The following LRRTM4 variants were observed in gnomAD, a reference collection of about 807,000 sequenced individuals.
LRRTM4 encodes leucine-rich repeat transmembrane neuronal protein 4.
A neutral mutation model predicts 47.6 loss-of-function variants in LRRTM4; 25 were observed. The ratio of observed to expected loss-of-function variants is 0.53; its 90% CI spans 0.38 to 0.73. The LOEUF (loss-of-function observed/expected upper bound fraction) is 0.73. LRRTM4 is among the 30% of genes least tolerant of loss of function. The probability of loss-of-function intolerance (pLI) is 0.00; values close to 1 mark genes in which losing one functional copy is unlikely to be tolerated. For missense variants in LRRTM4, 638 were observed against 713.4 expected, an observed-to-expected ratio of 0.89 and a Z score of 1.20; for synonymous variants, 311 against 269.5, an observed-to-expected ratio of 1.15 and a Z score of -1.51.
intron 3 of LRRTM4, among the ~76,000 whole-genome samples, chr2:76,815,583 G>A (rs950336056): frequency 6.6e-6 from 1 of 152,020 alleles, no homozygotes; most frequent in Admixed American, 6.6e-5. Flanking sequence ...AGTCATAGTT[G>A]TAGTAATAAT....
At chr2:76,814,201 T>A (rs1389136852) in intron 3 of LRRTM4, among the ~76,000 whole-genome samples, 1 of 152,138 alleles carries the variant, frequency 6.6e-6, no homozygotes, top group Admixed American at 6.5e-5. Flanking sequence ...TCAATTTGTT[T>A]ATTTTAAATT....
At chr2:77,099,926 G>GGT (rs1670908925) in intron 3 of LRRTM4, among the ~76,000 whole-genome samples, 1 of 151,974 alleles carries the variant, frequency 6.6e-6, no homozygotes, top group Non-Finnish European at 1.5e-5. Flanking sequence ...TGAAAGTGCA[G>GGT]GTGTATAACT....
rs1670553807 is a variant in LRRTM4, at chr2:76,807,471, C to CATATATATATATACAT, written c.1552-58556_1552-58555insATGTATATATATATAT. Among the ~76,000 whole-genome samples, 7 of 97,452 alleles carry CATATATATATATACAT rather than the reference C, an allele frequency of 7.2e-5. 1 individual carries two copies. The highest frequency in any genetic ancestry group is 2.0e-4 in the Admixed American group (2 of 9,826). 63.9% of individuals were successfully genotyped at this position (97,452 alleles called of 152,430 possible). On this transcript the variant is annotated intron_variant, in intron 3 of 3. Transcript: ENST00000409884. ...ATATATATATATACATATATATATA[C>CATATATATATATACAT]ATATATATATATATACATATATATA... is the stretch of plus-strand genomic sequence containing the variant.
chr2:77,465,123 T>C (rs546414726), intron 3 of LRRTM4, among the ~76,000 whole-genome samples: 1 of 152,248 alleles, frequency 6.6e-6, no homozygotes, highest in African/African-American at 2.4e-5. Context: ...AATATAGTTT[T>C]TTTAAATGGT....
At chr2:77,214,570 G>A (rs1674384702) in intron 3 of LRRTM4, among the ~76,000 whole-genome samples, 1 of 152,054 alleles carries the variant, frequency 6.6e-6, no homozygotes, top group Non-Finnish European at 1.5e-5. Flanking sequence ...ATAAAAAAGA[G>A]CTATGAAAAG....
intron 3 of LRRTM4, among the ~76,000 whole-genome samples, chr2:76,971,099 T>G (rs1481723322): frequency 6.6e-6 from 1 of 151,990 alleles, no homozygotes; most frequent in African/African-American, 2.4e-5. Flanking sequence ...CAATACTGGC[T>G]GTGCTAGGGC....
intron 3 of LRRTM4, among the ~76,000 whole-genome samples, chr2:76,863,623 TTATC>T (rs757622180): frequency 6.6e-6 from 1 of 152,220 alleles, no homozygotes; most frequent in Non-Finnish European, 1.5e-5. Context: ...TCATATTTAT[TTATC>T]TTTTATTCTC....
chr2:77,133,744 G>C (rs1342432614), intron 3 of LRRTM4, among the ~76,000 whole-genome samples: 2 of 152,074 alleles, frequency 1.3e-5, no homozygotes, highest in African/African-American at 4.8e-5. Flanking sequence ...CACAAAAATA[G>C]CTGCCTCCTC....
chr2:76,940,718 G>A (rs1478401817), intron 3 of LRRTM4, among the ~76,000 whole-genome samples: 5 of 152,142 alleles, frequency 3.3e-5, no homozygotes, highest in Non-Finnish European at 5.9e-5. Context: ...TACGTACTAT[G>A]TACGTCAGAA....
In LRRTM4 at chr2:77,187,148, A is replaced by C. The variant is rs1448911416; in HGVS notation, c.1551+331170T>G. 5.9e-5 allele frequency among the ~76,000 whole-genome samples: 9 copies of C among 152,116 alleles called. No individual in the cohort carries two copies. The East Asian group carries it at 1.5e-3, about 26-fold the overall frequency. On this transcript the variant is annotated intron_variant, in intron 3 of 3. Coordinates refer to ENST00000409884, the MANE Select transcript of LRRTM4 (RefSeq NM_001134745.3). ...CATATTCAGAAATGGGAGGAAAGGA[A>C]GTCTGTAGCCAATGTCTGGATGTTT...
At chr2:77,007,787 A>G (rs1677712706) in intron 3 of LRRTM4, among the ~76,000 whole-genome samples, 1 of 152,196 alleles carries the variant, frequency 6.6e-6, no homozygotes, top group African/African-American at 2.4e-5. Context: ...AGTTCTGTGA[A>G]TAGAAAATTG....
chr2:76,826,791 C>A (rs1447475096), intron 3 of LRRTM4, among the ~76,000 whole-genome samples: 1 of 151,802 alleles, frequency 6.6e-6, no homozygotes, highest in Non-Finnish European at 1.5e-5. Flanking sequence ...ATTAACCATC[C>A]TCTCAAAATA....
At chr2:76,943,595 C>A (rs1490337527) in intron 3 of LRRTM4, among the ~76,000 whole-genome samples, 1 of 152,154 alleles carries the variant, frequency 6.6e-6, no homozygotes, top group Non-Finnish European at 1.5e-5. Context: ...TTCCTCTCTC[C>A]ATGACAATTT....
chr2:77,124,466 C>A (rs1671604480), intron 3 of LRRTM4, among the ~76,000 whole-genome samples: 1 of 152,086 alleles, frequency 6.6e-6, no homozygotes, highest in South Asian at 2.1e-4. Context: ...TGGCACAGAG[C>A]AGCACGAGTT....
At chr2:77,410,718 G>A (rs1674385715) in intron 3 of LRRTM4, among the ~76,000 whole-genome samples, 1 of 152,102 alleles carries the variant, frequency 6.6e-6, no homozygotes, top group Non-Finnish European at 1.5e-5. Context: ...ATTATAACCA[G>A]GGATGTATAT....
chr2:77,458,653 T>G (rs1676660410), intron 3 of LRRTM4, among the ~76,000 whole-genome samples: 1 of 151,934 alleles, frequency 6.6e-6, no homozygotes, highest in Non-Finnish European at 1.5e-5. Flanking sequence ...TTGCCACACC[T>G]TGTATCTAGG....
chr2:77,098,691 AT>A (rs1384292193), intron 3 of LRRTM4, among the ~76,000 whole-genome samples: 8 of 139,274 alleles, frequency 5.7e-5, no homozygotes, highest in Non-Finnish European at 9.1e-5. Context: ...TAATTCTACA[AT>A]AAAATGACTA....
intron 3 of LRRTM4, among the ~76,000 whole-genome samples, chr2:77,230,839 T>A (rs185594209): frequency 1.5e-3 from 234 of 152,194 alleles, no homozygotes; most frequent in Non-Finnish European, 2.6e-3. Flanking sequence ...TAGTTATCAC[T>A]TTAACAATAA....
chr2:76,774,480 G>A (rs555464958), intron 3 of LRRTM4, among the ~76,000 whole-genome samples: 93 of 152,148 alleles, frequency 6.1e-4, no homozygotes, highest in African/African-American at 2.0e-3. Context: ...ATGAGCCACC[G>A]TGCCCAGCCA....
Sources: allele counts gnomAD v4.1 joint callset (sites outside exome capture counted in the v4.1 genomes callset), GRCh38; gene constraint gnomAD v4.1.1; transcripts MANE v1.5; gene names NCBI Gene and HGNC (gene_info 2026-07-23, HGNC 2026-07-21).